The following CEP135 variants were observed in gnomAD, a reference collection of about 807,000 sequenced individuals.
CEP135 encodes centrosomal protein of 135 kDa.
CEP135 carries 142 observed loss-of-function variants against 157.3 expected under a neutral mutation model. The ratio of observed to expected loss-of-function variants is 0.90; its 90% CI spans 0.79 to 1.04. CEP135 has a LOEUF of 1.04. Among genes scored for constraint, CEP135 ranks in the 50% least tolerant of loss-of-function variants. The pLI, the probability that CEP135 is intolerant of heterozygous loss-of-function variation, is 0.00. For synonymous variants in CEP135, 396 were observed against 439.8 expected (o/e 0.90, Z 1.25); for missense variants, 1,317 against 1,309.2 (o/e 1.01, Z -0.09).
intron 7 of CEP135, 25 bp from the exon 8 acceptor site, chr4:55,965,619 C>G: frequency 1.3e-6 from 2 of 1,524,398 alleles, no homozygotes; most frequent in Non-Finnish European, 1.8e-6. Flanking sequence ...ATTCATATAC[C>G]TCATAAATTA....
At position 56,031,451 on chromosome 4, in the gene CEP135, C is replaced by A. The variant is rs1731348187; in HGVS notation, c.*103C>A. ...AGTACTTGTTGCTGAAAATCATGAA[C>A]ATGGACACAAATTCTACCTCTGTCA... On this transcript the variant is annotated 3_prime_UTR_variant, in exon 26 of 26. Coordinates refer to ENST00000257287, the MANE Select transcript of CEP135 (RefSeq NM_025009.5). 6.6e-6 allele frequency: 1 copy of A among 152,448 alleles called. No individual in the cohort carries two copies. Among genetic ancestry groups the A allele is most frequent in the African/African-American group, 2.4e-5 (1 of 41,386 alleles). 9.4% of individuals were successfully genotyped at this position (152,448 alleles called of 1,614,324 possible). A position where few individuals can be genotyped will look rare whatever the true frequency, so the allele number is the denominator to read the frequency against.
At chr4:56,018,664 A>G (rs2951807) in intron 22 of CEP135, among the ~76,000 whole-genome samples, 82,607 of 151,718 alleles carry the variant, frequency 0.54, 22,775 homozygotes, top group African/African-American at 0.63. Context: ...AGGCTGAGGC[A>G]GGGAAGGTTC....
At chr4:55,993,736 G>A (rs1376813480) in intron 15 of CEP135, among the ~76,000 whole-genome samples, 1 of 152,166 alleles carries the variant, frequency 6.6e-6, no homozygotes, top group Non-Finnish European at 1.5e-5. Context: ...TTCCTCACAG[G>A]AGGCTGTTTC....
intron 6 of CEP135, among the ~76,000 whole-genome samples, chr4:55,962,061 A>C (rs1009479044): frequency 3.3e-5 from 5 of 152,138 alleles, no homozygotes; most frequent in Admixed American, 2.6e-4. Flanking sequence ...TCCTGTGAAG[A>C]CGTACTTCTA....
intron 14 of CEP135, among the ~76,000 whole-genome samples, chr4:55,988,229 C>T (rs1438070052): frequency 5.7e-5 from 6 of 106,086 alleles, no homozygotes; most frequent in African/African-American, 8.0e-5. Context: ...GTGTGGGGGG[C>T]GGGGGGTGAG....
chr4:56,023,748 CATAT>C (rs1560427171), intron 24 of CEP135, among the ~76,000 whole-genome samples: 1 of 137,438 alleles, frequency 7.3e-6, no homozygotes, highest in African/African-American at 2.8e-5. Flanking sequence ...TATAGTATAT[CATAT>C]ATAGTATATT....
At chr4:55,949,960 A>G (rs1728310187) in intron 1 of CEP135, among the ~76,000 whole-genome samples, 1 of 152,174 alleles carries the variant, frequency 6.6e-6, no homozygotes, top group Non-Finnish European at 1.5e-5. Flanking sequence ...TGGAGTTGGT[A>G]GCAAAGAGGG....
At chr4:55,974,501 C>T (rs773629814) in intron 10 of CEP135, among the ~76,000 whole-genome samples, 7 of 152,094 alleles carry the variant, frequency 4.6e-5, no homozygotes, top group East Asian at 1.9e-4. Context: ...ACCCATCTTA[C>T]GATAAGACAA....
chr4:56,009,506 C>G (rs1243140225), intron 18 of CEP135, among the ~76,000 whole-genome samples: 1 of 152,146 alleles, frequency 6.6e-6, no homozygotes, highest in Non-Finnish European at 1.5e-5. Context: ...TCTGTGTTTA[C>G]TTGACTGTTG....
intron 7 of CEP135, chr4:55,965,351 C>A (rs537856038): frequency 3.8e-6 from 1 of 260,846 alleles, no homozygotes; most frequent in Non-Finnish European, 7.3e-6. Flanking sequence ...TTGAACAACA[C>A]AGTCTATTAT....
chr4:55,966,814 CTG>C (rs1728858989), intron 8 of CEP135, among the ~76,000 whole-genome samples: 1 of 152,096 alleles, frequency 6.6e-6, no homozygotes, highest in African/African-American at 2.4e-5. Flanking sequence ...GTTTTTAAAA[CTG>C]TGTATGTCCT....
At chr4:56,004,407 A>G (rs1730281157) in intron 17 of CEP135, among the ~76,000 whole-genome samples, 1 of 152,184 alleles carries the variant, frequency 6.6e-6, no homozygotes, top group African/African-American at 2.4e-5. Context: ...TGTTCTGTAA[A>G]TGTCAGTTGG....
Position 55,985,284 on chromosome 4 carries a change from A to G in CEP135, c.1783A>G (p.Ile595Val), listed in dbSNP as rs766487835. 1 of 1,546,462 alleles carries G rather than the reference A, an allele frequency of 6.5e-7. No homozygotes were observed. Among genetic ancestry groups the G allele is most frequent in the Non-Finnish European group, 8.9e-7 (1 of 1,122,000 alleles). The change falls in exon 14 of 26, where the codon ATT (isoleucine) becomes GTT (valine). Residue 595 changes from isoleucine (I) to valine (V), a missense_variant. Physicochemically the swap from Ile to Val is conservative, Grantham distance 29. Transcript: ENST00000257287. ...TTTCTTTAACATTCTTTTTCAGCAT[A>G]TTGAAGAAGTGAGTCTTTTTGGAAA... is the stretch of plus-strand genomic sequence containing the variant. ...KEALREKLEH[I>V]EEVSLFGKSE...
chr4:56,004,754 C>CG (rs1413682859), intron 17 of CEP135, among the ~76,000 whole-genome samples: 1 of 151,984 alleles, frequency 6.6e-6, no homozygotes, highest in Non-Finnish European at 1.5e-5. Context: ...CATGGAATAT[C>CG]TTTTTCCATC....
At position 56,017,774 on chromosome 4, in the gene CEP135, CTT is replaced by C. The variant is rs1553895368; in HGVS notation, c.2930_2931del (p.Leu977GlnfsTer6). 1.2e-6 allele frequency: 2 copies of C among 1,613,852 alleles called. No homozygotes were observed. Among genetic ancestry groups the C allele is most frequent in the Non-Finnish European group, 1.7e-6 (2 of 1,179,980 alleles). On this transcript the variant is annotated frameshift_variant, in exon 22 of 26. Coordinates refer to ENST00000257287, the MANE Select transcript of CEP135 (RefSeq NM_025009.5). LOFTEE classifies it high-confidence loss of function. Reference sequence around the variant, plus strand: ...AACAGTATTAAATGACTTGTCATCTCTTAGAGAACTTTGCATTAAACTTGATT... The same window carrying C: ...AACAGTATTAAATGACTTGTCATCTCAGAGAACTTTGCATTAAACTTGATT... Reference protein sequence around the residue: ...KATVLNDLSSLRELCIKLDSG... With the variant: ...KATVLNDLSSXRELCIKLDSG...
At chr4:55,982,048 A>G (rs909460038) in intron 13 of CEP135, among the ~76,000 whole-genome samples, 2 of 152,088 alleles carry the variant, frequency 1.3e-5, no homozygotes, top group African/African-American at 4.8e-5. Context: ...ACCATCACAC[A>G]GTCAATTTTA....
At chr4:55,960,057 C>A in intron 6 of CEP135, 2 of 508,962 alleles carry the variant, frequency 3.9e-6, no homozygotes, top group Non-Finnish European at 6.8e-6. Flanking sequence ...CACTTATTTA[C>A]TCGATTCTCT....
chr4:55,992,933 G>A (rs1336990882), intron 15 of CEP135, among the ~76,000 whole-genome samples: 2 of 152,122 alleles, frequency 1.3e-5, no homozygotes, highest in Admixed American at 1.3e-4. Context: ...TAAGGGGACC[G>A]CTCTGAAGAA....
chr4:55,949,288 C>A (rs1577857897), intron 1 of CEP135, among the ~76,000 whole-genome samples: 1 of 152,178 alleles, frequency 6.6e-6, no homozygotes, highest in Non-Finnish European at 1.5e-5. Context: ...AGTTGCAAAC[C>A]GGAGATTGGG....
Sources: allele counts gnomAD v4.1 joint callset (sites outside exome capture counted in the v4.1 genomes callset), GRCh38; gene constraint gnomAD v4.1.1; transcripts MANE v1.5; gene names NCBI Gene and HGNC (gene_info 2026-07-23, HGNC 2026-07-21).